Variants in GPR107 observed in about 807,000 individuals in gnomAD.
The protein encoded by GPR107 is protein GPR107.
In GPR107, 31 loss-of-function variants were observed where a neutral mutation model predicts 75.5. The observed-to-expected ratio is 0.41, with a 90% CI of 0.31 to 0.55. GPR107 has a LOEUF of 0.55. GPR107 is among the 20% of genes least tolerant of loss of function. The probability of loss-of-function intolerance (pLI) is 0.26; values close to 1 mark genes in which losing one functional copy is unlikely to be tolerated. For missense variants in GPR107, 572 were observed against 665.7 expected (o/e 0.86, Z 1.55); for synonymous variants, 267 against 251.3 (o/e 1.06, Z -0.59).
Position 130,076,947 on chromosome 9 carries a change from G to A in GPR107, c.307-352G>A, listed in dbSNP as rs12684705. On this transcript the variant is annotated intron_variant, in intron 3 of 17. Transcript: ENST00000347136. ...TTGTTGCCGAGGCTGGAGTGCAATG[G>A]TGTGATCTTGGCTCACTGCAACCTC... Among the ~76,000 whole-genome samples the A allele has an allele frequency of 2.3e-4, 35 of 151,556 alleles. 1 individual carries two copies. The East Asian group carries it at 6.1e-3, about 26-fold the overall frequency.
At position 130,079,656 on chromosome 9, in the gene GPR107, C is replaced by G. The variant is rs749131292; in HGVS notation, c.413C>G (p.Ala138Gly). The change falls in exon 5 of 18, where the codon GCT (alanine) becomes GGT (glycine). Residue 138 changes from alanine to glycine, a missense_variant. Ala to Gly is a moderately conservative substitution (Grantham distance 60). Coordinates refer to ENST00000347136, the MANE Select transcript of GPR107 (RefSeq NM_020960.5). Reference sequence around the variant, plus strand: ...GTAAGAGTAAAGTCTCCACCAGAAGCTGGTACCCAGTTACCAAAGATCATC... The same window carrying G: ...GTAAGAGTAAAGTCTCCACCAGAAGGTGGTACCCAGTTACCAAAGATCATC... ...SEVRVKSPPE[A>G]GTQLPKIIFS... The G allele has an allele frequency of 2.5e-6, 4 of 1,612,624 alleles. No homozygotes were observed. The highest frequency in any genetic ancestry group is 2.2e-5 in the East Asian group (1 of 44,882).
At chr9:130,106,612 T>C (rs1564676950) in intron 13 of GPR107, among the ~76,000 whole-genome samples, 1 of 93,522 alleles carries the variant, frequency 1.1e-5, no homozygotes, top group Non-Finnish European at 2.1e-5. Flanking sequence ...AATAAATAAA[T>C]AAATAAATAA....
intron 14 of GPR107, 56 bp downstream of exon 14, chr9:130,107,595 G>C: frequency 9.0e-7 from 1 of 1,106,336 alleles, no homozygotes; most frequent in South Asian, 1.2e-5. Context: ...CCCACGTGCT[G>C]CGGCACTGCG....
At chr9:130,097,712 T>G (rs1377494857) in intron 9 of GPR107, among the ~76,000 whole-genome samples, 2 of 149,746 alleles carry the variant, frequency 1.3e-5, no homozygotes, top group Admixed American at 1.3e-4. Context: ...TCTTTGGGTT[T>G]TTTTTTTTTT....
intron 9 of GPR107, among the ~76,000 whole-genome samples, chr9:130,098,725 T>G (rs942735721): frequency 6.6e-6 from 1 of 152,128 alleles, no homozygotes; most frequent in Non-Finnish European, 1.5e-5. Flanking sequence ...ATAAAAAAAG[T>G]GGCTGGGTGT....
At chr9:130,080,054 C>T (rs1747597641) in intron 5 of GPR107, among the ~76,000 whole-genome samples, 1 of 152,172 alleles carries the variant, frequency 6.6e-6, no homozygotes, top group South Asian at 2.1e-4. Flanking sequence ...AAAATTCAGT[C>T]ATGCTTATAA....
At chr9:130,095,263 G>A (rs184424371) in intron 9 of GPR107, among the ~76,000 whole-genome samples, 36 of 152,244 alleles carry the variant, frequency 2.4e-4, no homozygotes, top group Middle Eastern at 3.4e-3. Flanking sequence ...AAATCAGGGC[G>A]CAATCCAAAC....
At chr9:130,120,458 T>C (rs1181519748) in intron 14 of GPR107, among the ~76,000 whole-genome samples, 1 of 152,194 alleles carries the variant, frequency 6.6e-6, no homozygotes, top group Non-Finnish European at 1.5e-5. Flanking sequence ...TTAACCTCTT[T>C]GCTTTCTCTC....
At chr9:130,061,901 C>T (rs1398652568) in intron 1 of GPR107, among the ~76,000 whole-genome samples, 2 of 151,780 alleles carry the variant, frequency 1.3e-5, no homozygotes, top group Non-Finnish European at 2.9e-5. Context: ...GCCGAGATTG[C>T]ACCACTGCAC....
intron 8 of GPR107, among the ~76,000 whole-genome samples, chr9:130,091,654 G>C (rs1033009140): frequency 6.7e-6 from 1 of 149,928 alleles, no homozygotes; most frequent in African/African-American, 2.5e-5. Context: ...TCAGCCTCCT[G>C]AGTAGCTGGG....
At chr9:130,059,306 G>T (rs1829871287) in intron 1 of GPR107, among the ~76,000 whole-genome samples, 1 of 152,090 alleles carries the variant, frequency 6.6e-6, no homozygotes, top group African/African-American at 2.4e-5. Context: ...TAGCCAACAT[G>T]GTAAAACCCT....
chr9:130,072,720 T>C (rs1335200802), intron 1 of GPR107, among the ~76,000 whole-genome samples: 1 of 151,610 alleles, frequency 6.6e-6, no homozygotes, highest in Non-Finnish European at 1.5e-5. Context: ...CTATTTATGT[T>C]GGGGGGGGAA....
rs1831112761 is a variant in GPR107 at position 130,104,461 on chromosome 9, G to A, written c.1173G>A (p.Glu391=). The A allele has an allele frequency of 2.5e-6, 4 of 1,613,274 alleles. No homozygotes were observed. In the African/African-American group the frequency reaches 4.0e-5, roughly 16 times the overall value. ...NVAYIIIEST[E]EGTTEYGLWK... ...CCTACATCATCATAGAGTCCACCGA[G>A]GAGGGCACGACTGAATATGGCTTGT... The change falls in exon 13 of 18, where the codon GAG becomes GAA. Residue 391 remains glutamate (E), a synonymous_variant. Transcript: ENST00000347136.
chr9:130,098,914 G>T (rs957234356), intron 9 of GPR107, among the ~76,000 whole-genome samples: 25 of 152,058 alleles, frequency 1.6e-4, no homozygotes, highest in African/African-American at 6.0e-4. Context: ...AGGTTGAGGC[G>T]GTGGGGGGGC....
chr9:130,106,654 G>A (rs928302461), intron 13 of GPR107, among the ~76,000 whole-genome samples: 6 of 151,604 alleles, frequency 4.0e-5, no homozygotes, highest in African/African-American at 9.7e-5. Flanking sequence ...TAAATATCCC[G>A]ATTCAGCCAG....
In GPR107 at chr9:130,053,958, C is replaced by T. The variant is rs772312342; in HGVS notation, c.26C>T (p.Ser9Phe). The T allele has an allele frequency of 5.8e-6, 9 of 1,555,076 alleles. No individual in the cohort carries two copies. The South Asian group carries it at 7.1e-5, about 12-fold the overall frequency. MAALAPVGSPASRGPRLAA... is the reference protein window; with the variant it reads MAALAPVGFPASRGPRLAA... ...ATGGCCGCTCTGGCGCCCGTCGGCT[C>T]CCCCGCCTCCCGCGGTCCTAGGCTG... Residue 9 changes from serine to phenylalanine, a missense_variant, in exon 1 of 18, where the codon TCC (serine) becomes TTC (phenylalanine). Coordinates refer to ENST00000347136, the MANE Select transcript of GPR107 (RefSeq NM_020960.5).
chr9:130,094,219 CG>C (rs1459575055), intron 9 of GPR107, among the ~76,000 whole-genome samples: 1 of 152,026 alleles, frequency 6.6e-6, no homozygotes, highest in Non-Finnish European at 1.5e-5. Flanking sequence ...CCGAGGTGGG[CG>C]GATCATGAGG....
At chr9:130,082,534 C>T (rs1045630601) in intron 5 of GPR107, among the ~76,000 whole-genome samples, 4 of 144,238 alleles carry the variant, frequency 2.8e-5, no homozygotes, top group Non-Finnish European at 4.5e-5. Flanking sequence ...GGCTGGAGTG[C>T]AGTGGCGCGA....
At chr9:130,056,122 A>T (rs1438182965) in intron 1 of GPR107, among the ~76,000 whole-genome samples, 1 of 151,864 alleles carries the variant, frequency 6.6e-6, no homozygotes, top group Admixed American at 6.6e-5. Context: ...GTTGAGAGCT[A>T]TAGAACCTCT....
Sources: allele counts gnomAD v4.1 joint callset (sites outside exome capture counted in the v4.1 genomes callset), GRCh38; gene constraint gnomAD v4.1.1; transcripts MANE v1.5; gene names NCBI Gene and HGNC (gene_info 2026-07-23, HGNC 2026-07-21).